Variants in AP3B2 observed in about 807,000 individuals in gnomAD.
AP3B2 encodes the protein adaptor related protein complex 3 subunit beta 2.
In AP3B2, 50 loss-of-function variants were observed where a neutral mutation model predicts 126.9. That is an observed-to-expected ratio of 0.39 (90% CI 0.31 to 0.50). The LOEUF is 0.50. Ranked by LOEUF, AP3B2 falls within the 20% of genes least tolerant of loss-of-function variation. AP3B2 has a pLI of 0.79. For synonymous variants in AP3B2, 541 were observed against 565.0 expected (o/e 0.96, Z 0.60); for missense variants, 1,177 against 1,426.4 (o/e 0.83, Z 2.82).
intron 21 of AP3B2, 155 bp downstream of exon 21, chr15:82,663,405 G>A: frequency 9.5e-7 from 1 of 1,047,148 alleles, no homozygotes; most frequent in Non-Finnish European, 1.5e-6. Flanking sequence ...ACCTGGGGAG[G>A]TCAGCCCTGC....
At chr15:82,683,404 G>A (rs2048377981) in intron 4 of AP3B2, among the ~76,000 whole-genome samples, 1 of 152,144 alleles carries the variant, frequency 6.6e-6, no homozygotes, top group Admixed American at 6.6e-5. Flanking sequence ...TAAGAAGCAA[G>A]TCCTCATCCA....
intron 1 of AP3B2, among the ~76,000 whole-genome samples, chr15:82,693,538 C>G (rs553347098): frequency 6.6e-6 from 1 of 152,116 alleles, no homozygotes; most frequent in East Asian, 1.9e-4. Flanking sequence ...TGAGCCACCA[C>G]ACCTGGCCAG....
At chr15:82,679,945 A>C in intron 9 of AP3B2, 145 bp from the exon 10 acceptor site, 1 of 920,972 alleles carries the variant, frequency 1.1e-6, no homozygotes, top group South Asian at 1.5e-5. Context: ...TCCCTCGTCC[A>C]TCTCAGATCT....
rs757139023 is a variant in AP3B2, at chr15:82,689,385, A to G, written c.182T>C (p.Ile61Thr). 14 of 1,613,688 alleles carry G rather than the reference A, an allele frequency of 8.7e-6. No individual in the cohort carries two copies. The highest frequency in any genetic ancestry group is 5.1e-6 in the Non-Finnish European group (6 of 1,179,864). Residue 61 changes from isoleucine (I) to threonine (T), a missense_variant, in exon 2 of 27, where the codon ATT becomes ACT. This residue lies in a region of AP3B2 where 130 missense variants were observed against 262.0 expected (regional missense o/e 0.50). Transcript: ENST00000535359. The part of the protein sequence containing the change: ...DSLKLEAMKR[I>T]VAMIARGKNA... Reference sequence around the variant, plus strand: ...TCCTCCTTCCCCTCTTACCGCCACAATCCTCTTCATGGCCTCCAGCTTGAG... The same window carrying G: ...TCCTCCTTCCCCTCTTACCGCCACAGTCCTCTTCATGGCCTCCAGCTTGAG...
At chr15:82,668,212 C>A (rs1202697318) in intron 14 of AP3B2, among the ~76,000 whole-genome samples, 1 of 152,248 alleles carries the variant, frequency 6.6e-6, no homozygotes, top group Non-Finnish European at 1.5e-5. Flanking sequence ...TTCCTACCTC[C>A]AATCTGGCCC....
Position 82,709,813 on chromosome 15 carries a change from G to T in AP3B2, c.-107C>A. ...TCCGGTCCGGGCTGGCGAAGGCGGC[G>T]GCGCGGCAGGGGTTCAGCAGAGGCT... On this transcript the variant is annotated 5_prime_UTR_variant, in exon 1 of 27. Transcript: ENST00000535359. 1.2e-6 allele frequency: 1 copy of T among 844,354 alleles called. No homozygotes were observed. The highest frequency in any genetic ancestry group is 1.7e-6 in the Non-Finnish European group (1 of 596,208). The allele number at this position is 844,354 out of a possible 1,614,324, so 52.3% of individuals were successfully genotyped here.
intron 1 of AP3B2, among the ~76,000 whole-genome samples, chr15:82,690,234 T>G (rs1173175965): frequency 6.8e-6 from 1 of 146,906 alleles, no homozygotes; most frequent in South Asian, 2.1e-4. Context: ...TGTTGTACTT[T>G]TTTTTTTCAA....
At chr15:82,696,741 T>G (rs2048633555) in intron 1 of AP3B2, among the ~76,000 whole-genome samples, 1 of 152,236 alleles carries the variant, frequency 6.6e-6, no homozygotes, top group South Asian at 2.1e-4. Flanking sequence ...CTGGTATTCC[T>G]TGGCCAGATG....
In AP3B2 at chr15:82,665,546, A is replaced by T. The variant is rs1315888966; in HGVS notation, c.1882T>A (p.Ser628Thr). 2 of 1,613,906 alleles carry T rather than the reference A, an allele frequency of 1.2e-6. No homozygotes were observed. The highest frequency in any genetic ancestry group is 1.7e-6 in the Non-Finnish European group (2 of 1,179,852). The change falls in exon 16 of 27, where the codon TCC becomes ACC. Residue 628 changes from serine to threonine, a missense_variant. Physicochemically the swap from Ser to Thr is moderately conservative, Grantham distance 58 (BLOSUM62 1). This residue lies in a region of AP3B2 where 308 missense variants were observed against 452.4 expected (regional missense o/e 0.68). Coordinates refer to ENST00000535359, the MANE Select transcript of AP3B2 (RefSeq NM_001278512.2). This position sits in a 1 kb window ranked among gnomAD's most constrained non-coding sequence, Gnocchi z 4.4. The part of the protein sequence containing the change: ...DRDHFQLGSL[S>T]HLLNAKATGY... ...GTGGCCTTGGCATTAAGCAGGTGGG[A>T]CAGTGAGCCCAGCTGGAAGTGGTCC...
chr15:82,659,471 A>C lies in AP3B2; in HGVS notation c.*89T>G. 1 of 1,321,668 alleles carries C rather than the reference A, an allele frequency of 7.6e-7. No homozygotes were observed. The highest frequency in any genetic ancestry group is 1.0e-6 in the Non-Finnish European group (1 of 957,598). The allele number at this position is 1,321,668 out of a possible 1,614,324, so 81.9% of individuals were successfully genotyped here. On this transcript the variant is annotated 3_prime_UTR_variant, in exon 27 of 27. Coordinates refer to ENST00000535359, the MANE Select transcript of AP3B2 (RefSeq NM_001278512.2). ...GCTATCTGGCATGAGGAGGATGATGAGAGAGAGAGAGAAAGATGAGAGAGA... is the reference window on the plus strand; with the variant it reads ...GCTATCTGGCATGAGGAGGATGATGCGAGAGAGAGAGAAAGATGAGAGAGA...
Position 82,709,653 on chromosome 15 carries a change from C to T in AP3B2, c.54G>A (p.Gly18=). ...SEDKGGSAGP[G]EPEYGHDPAS... ...CGGGGTCGTGGCCGTACTCGGGCTC[C>T]CCGGGGCCAGCGGAGCCGCCCTTGT... is the stretch of plus-strand genomic sequence containing the variant. Residue 18 remains glycine (G), a synonymous_variant, in exon 1 of 27, where the codon GGG becomes GGA. Coordinates refer to ENST00000535359, the MANE Select transcript of AP3B2 (RefSeq NM_001278512.2). 6.6e-7 allele frequency: 1 copy of T among 1,519,038 alleles called. No individual in the cohort carries two copies. Among genetic ancestry groups the T allele is most frequent in the East Asian group, 2.7e-5 (1 of 37,374 alleles). 94.1% of individuals were successfully genotyped at this position (1,519,038 alleles called of 1,614,324 possible).
At position 82,681,125 on chromosome 15, in the gene AP3B2, G is replaced by C; in HGVS notation, c.575C>G (p.Ala192Gly). The C allele has an allele frequency of 1.9e-6, 3 of 1,613,370 alleles. No individual in the cohort carries two copies. Among genetic ancestry groups the C allele is most frequent in the Non-Finnish European group, 1.7e-6 (2 of 1,179,674 alleles). The change falls in exon 6 of 27, where the codon GCT becomes GGT. Residue 192 changes from alanine (A) to glycine (G), a missense_variant. By Grantham distance (60) the Ala-to-Gly change is moderately conservative. Transcript: ENST00000535359. This position sits in a 1 kb window ranked among gnomAD's most constrained non-coding sequence, Gnocchi z 4.0. ...QLIEVIEKLL[A>G]DKTTLVAGSV... ...CTATACACGCACCGTGGTCTTGTCAGCCAGAAGCTTCTCAATGACTTCTAT... is the reference window on the plus strand; with the variant it reads ...CTATACACGCACCGTGGTCTTGTCACCCAGAAGCTTCTCAATGACTTCTAT...
intron 1 of AP3B2, among the ~76,000 whole-genome samples, chr15:82,704,339 A>G (rs2048764080): frequency 6.6e-6 from 1 of 152,228 alleles, no homozygotes; most frequent in African/African-American, 2.4e-5. Flanking sequence ...GACTTAATTA[A>G]CCTCGCCTTC....
chr15:82,682,478 C>T (rs776840189), intron 4 of AP3B2, among the ~76,000 whole-genome samples: 3 of 152,150 alleles, frequency 2.0e-5, no homozygotes, highest in Non-Finnish European at 4.4e-5. Context: ...CTATATATTA[C>T]AGGCATACCT....
intron 1 of AP3B2, chr15:82,699,537 G>A: frequency 2.5e-6 from 1 of 398,864 alleles, no homozygotes; most frequent in Non-Finnish European, 4.4e-6. Context: ...TCCATCAGAG[G>A]AGGTGGGACC....
chr15:82,692,347 C>T, intron 1 of AP3B2: 1 of 547,554 alleles, frequency 1.8e-6, no homozygotes. Context: ...GCTCATCCGC[C>T]CAGCCCAACA....
chr15:82,665,349 C>G lies in AP3B2; in HGVS notation c.1972-46G>C. 1 of 1,580,814 alleles carries G rather than the reference C, an allele frequency of 6.3e-7. No homozygotes were observed. The highest frequency in any genetic ancestry group is 8.6e-7 in the Non-Finnish European group (1 of 1,165,430). ...GTTAGGAGGGCTGGGCCGGCACTGC[C>G]AGGGCTCCCTACTGTCTGCCCCCAC... On this transcript the variant is annotated intron_variant, in intron 16 of 26. Transcript: ENST00000535359. This position sits in a 1 kb window ranked among gnomAD's most constrained non-coding sequence, Gnocchi z 4.4.
At position 82,680,452 on chromosome 15, in the gene AP3B2, G is replaced by T. The variant is rs1484891701; in HGVS notation, c.1055+20C>A. Reference sequence around the variant, plus strand: ...GGGGCAGGAGGCGAGGGAGGGGGCGGGGCTGGGGGCGGAGCGCACCTGTGG... The same window carrying T: ...GGGGCAGGAGGCGAGGGAGGGGGCGTGGCTGGGGGCGGAGCGCACCTGTGG... On this transcript the variant is annotated intron_variant, in intron 8 of 26. Coordinates refer to ENST00000535359, the MANE Select transcript of AP3B2 (RefSeq NM_001278512.2). This position sits in a 1 kb window ranked among gnomAD's most constrained non-coding sequence, Gnocchi z 6.1. 9 of 1,467,554 alleles carry T rather than the reference G, an allele frequency of 6.1e-6. No individual in the cohort carries two copies. Among genetic ancestry groups the T allele is most frequent in the Middle Eastern group, 2.5e-4 (1 of 4,070 alleles). The allele number at this position is 1,467,554 out of a possible 1,614,324, so 90.9% of individuals were successfully genotyped here. A position where few individuals can be genotyped will look rare whatever the true frequency, so the allele number is the denominator to read the frequency against.
At chr15:82,679,623 C>T (rs2151440003) in intron 10 of AP3B2, 106 bp downstream of exon 10, 1 of 1,085,022 alleles carries the variant, frequency 9.2e-7, no homozygotes, top group Non-Finnish European at 1.4e-6. Context: ...CTCCTGGGCT[C>T]AGCCCCAGGA....
Sources: gnomAD v4.1 joint callset for allele counts (sites outside exome capture counted in the v4.1 genomes callset) on GRCh38, gnomAD v4.1.1 for gene constraint, gnomAD v4.1.1 regional missense constraint, Gnocchi (gnomAD v3.1) non-coding constraint, MANE v1.5 for transcripts, NCBI Gene and HGNC (gene_info 2026-07-23, HGNC 2026-07-21) for gene names.